Variants in DPP8 observed in about 807,000 individuals in gnomAD.
The protein encoded by DPP8 is DPP VIII.
A neutral mutation model predicts 107.5 loss-of-function variants in DPP8; 31 were observed. That is an observed-to-expected ratio of 0.29 (90% CI 0.22 to 0.39). The LOEUF (loss-of-function observed/expected upper bound fraction) is 0.39. DPP8 is among the 10% of genes least tolerant of loss of function. The pLI, the probability that DPP8 is intolerant of heterozygous loss-of-function variation, is 1.00. For synonymous variants in DPP8, 381 were observed against 356.6 expected (o/e 1.07, Z -0.77); for missense variants, 842 against 1,076.1 (o/e 0.78, Z 3.04).
intron 15 of DPP8, among the ~76,000 whole-genome samples, chr15:65,456,993 T>G (rs1432272024): frequency 2.6e-5 from 4 of 152,204 alleles, no homozygotes; most frequent in Admixed American, 2.6e-4. Flanking sequence ...TCTCAATGTT[T>G]GTAACCTCAG....
chr15:65,493,494 T>C (rs2068253343), intron 5 of DPP8, among the ~76,000 whole-genome samples: 1 of 152,140 alleles, frequency 6.6e-6, no homozygotes, highest in Non-Finnish European at 1.5e-5. Flanking sequence ...AACTTATGAA[T>C]AGGCACACTA....
intron 2 of DPP8, 187 bp downstream of exon 2, chr15:65,512,108 C>A (rs540097907): frequency 6.9e-6 from 5 of 725,054 alleles, no homozygotes; most frequent in African/African-American, 1.7e-5. Flanking sequence ...TGACTTGTTA[C>A]CTACAAGTAA....
chr15:65,487,664 A>C (rs2067575872), intron 7 of DPP8, 26 bp downstream of exon 7: 1 of 1,590,830 alleles, frequency 6.3e-7, no homozygotes, highest in Non-Finnish European at 8.5e-7. Flanking sequence ...AAATGAGTGA[A>C]TATAAATGCC....
intron 15 of DPP8, among the ~76,000 whole-genome samples, chr15:65,462,376 T>C (rs2065001427): frequency 6.6e-6 from 1 of 152,212 alleles, no homozygotes; most frequent in African/African-American, 2.4e-5. Context: ...TATGTAGTTA[T>C]TTTACTTTTT....
chr15:65,454,473 G>A, intron 16 of DPP8, 58 bp from the exon 17 acceptor site: 1 of 1,435,736 alleles, frequency 7.0e-7, no homozygotes, highest in Non-Finnish European at 9.4e-7. Context: ...TCGTAAGAGT[G>A]CTTTCAAAGA....
chr15:65,480,071 A>G (rs2066772969), intron 10 of DPP8, 151 bp downstream of exon 10: 4 of 617,200 alleles, frequency 6.5e-6, no homozygotes, highest in Non-Finnish European at 1.1e-5. Flanking sequence ...CCATTCTGGA[A>G]CCATCACTCC....
intron 2 of DPP8, among the ~76,000 whole-genome samples, chr15:65,511,638 T>TC (rs2070782171): frequency 4.0e-5 from 1 of 24,894 alleles, no homozygotes; most frequent in Non-Finnish European, 8.3e-5. Context: ...AGACCCTGTC[T>TC]CAAAAAAAAA....
chr15:65,485,131 T>C lies in DPP8; in HGVS notation c.985A>G (p.Met329Val), dbSNP rs1222313865. 1 of 1,610,468 alleles carries C rather than the reference T, an allele frequency of 6.2e-7. No individual in the cohort carries two copies. The highest frequency in any genetic ancestry group is 8.5e-7 in the Non-Finnish European group (1 of 1,176,770). Residue 329 changes from methionine to valine, a missense_variant, in exon 8 of 20, where the codon ATG becomes GTG. Met to Val is a conservative substitution (Grantham distance 21). Coordinates refer to ENST00000300141, the MANE Select transcript of DPP8 (RefSeq NM_130434.5). ...TCAGCATCAATCATTATTTCTGACA[T>C]CTTAAAAGTGACTTTAGGATTTGCT... is the stretch of plus-strand genomic sequence containing the variant. ...GTANPKVTFK[M>V]SEIMIDAEGR...
At chr15:65,488,603 CAAAAA>C (rs1166493197) in intron 6 of DPP8, among the ~76,000 whole-genome samples, 4 of 45,276 alleles carry the variant, frequency 8.8e-5, no homozygotes, top group South Asian at 9.3e-4. Context: ...GACCCTGCCT[CAAAAA>C]AAAAAAAAAA....
intron 11 of DPP8, among the ~76,000 whole-genome samples, chr15:65,478,109 G>A (rs1385093502): frequency 6.6e-6 from 1 of 152,006 alleles, no homozygotes; most frequent in Non-Finnish European, 1.5e-5. Flanking sequence ...AACTTCAGCT[G>A]ATATAACATT....
intron 12 of DPP8, among the ~76,000 whole-genome samples, chr15:65,467,897 T>A (rs1042043927): frequency 5.9e-5 from 9 of 152,244 alleles, no homozygotes; most frequent in African/African-American, 2.2e-4. Context: ...TTTACTATCT[T>A]GTATATTTAT....
intron 15 of DPP8, among the ~76,000 whole-genome samples, chr15:65,457,914 C>A (rs931427204): frequency 6.6e-6 from 1 of 152,150 alleles, no homozygotes; most frequent in Non-Finnish European, 1.5e-5. Flanking sequence ...CCACCTCAGC[C>A]TCTGAATAGC....
At chr15:65,467,048 C>A in intron 13 of DPP8, 23 bp downstream of exon 13, 2 of 1,612,720 alleles carry the variant, frequency 1.2e-6, no homozygotes, top group South Asian at 2.2e-5. Context: ...TGACACAAAA[C>A]CCTTTTTAAA....
At chr15:65,469,365 T>C (rs1409410255) in intron 12 of DPP8, among the ~76,000 whole-genome samples, 1 of 151,184 alleles carries the variant, frequency 6.6e-6, no homozygotes, top group Non-Finnish European at 1.5e-5. Flanking sequence ...AATAAAAAGC[T>C]CATAGGCAGC....
intron 15 of DPP8, among the ~76,000 whole-genome samples, chr15:65,457,623 T>G (rs2064541424): frequency 6.6e-6 from 1 of 152,180 alleles, no homozygotes; most frequent in Admixed American, 6.5e-5. Context: ...AGTGGAATAT[T>G]AGTCTGACAT....
intron 2 of DPP8, among the ~76,000 whole-genome samples, chr15:65,509,468 G>A (rs2070479461): frequency 6.6e-6 from 1 of 152,062 alleles, no homozygotes; most frequent in Non-Finnish European, 1.5e-5. Context: ...GCACAAATGG[G>A]CTTTTCTCAT....
intron 12 of DPP8, among the ~76,000 whole-genome samples, chr15:65,469,217 C>A (rs1439142489): frequency 6.6e-6 from 1 of 151,468 alleles, no homozygotes; most frequent in Admixed American, 6.6e-5. Flanking sequence ...TCAGATGATC[C>A]GCCTGCCTCG....
intron 2 of DPP8, among the ~76,000 whole-genome samples, chr15:65,508,304 A>G (rs1375792261): frequency 6.6e-6 from 1 of 152,122 alleles, no homozygotes; most frequent in Non-Finnish European, 1.5e-5. Flanking sequence ...ATAAAACTAT[A>G]CTAATATTAA....
intron 15 of DPP8, among the ~76,000 whole-genome samples, chr15:65,461,741 C>T (rs1349009094): frequency 6.6e-6 from 1 of 151,636 alleles, no homozygotes; most frequent in Non-Finnish European, 1.5e-5. Flanking sequence ...GTAGCTGGGA[C>T]TATAGGCACT....
Sources: gnomAD v4.1 joint callset for allele counts (sites outside exome capture counted in the v4.1 genomes callset) on GRCh38, gnomAD v4.1.1 for gene constraint, MANE v1.5 for transcripts, NCBI Gene and HGNC (gene_info 2026-07-23, HGNC 2026-07-21) for gene names.